MYO15A: variants seen among roughly 807,000 people sequenced by gnomAD.
MYO15A encodes the protein unconventional myosin-XV.
MYO15A carries 308 observed loss-of-function variants against 394.6 expected under a neutral mutation model. The ratio of observed to expected loss-of-function variants is 0.78; its 90% CI spans 0.71 to 0.86. The LOEUF (loss-of-function observed/expected upper bound fraction) is 0.86, where lower values mean the gene tolerates loss of function less well. Among genes scored for constraint, MYO15A ranks in the 40% least tolerant of loss-of-function variants. MYO15A has a pLI of 0.00. For synonymous variants in MYO15A, 1,957 were observed against 2,003.8 expected (o/e 0.98, Z 0.62); for missense variants, 4,606 against 4,799.1 (o/e 0.96, Z 1.19).
chr17:18,155,165 C>T lies in MYO15A; in HGVS notation c.8280C>T (p.Ala2760=), dbSNP rs1196289723. ...TGGTAACGGAAAGCGTGAAGCGGGC[C>T]GTGGTCAGCACTGCACGAGACACCT... The part of the protein sequence containing the change: ...KPLVTESVKR[A]VVSTARDTWE... The change falls in exon 46 of 66, where the codon GCC becomes GCT. Residue 2760 remains alanine, a synonymous_variant. Transcript: ENST00000647165. 4.3e-6 allele frequency: 7 copies of T among 1,613,850 alleles called. No individual in the cohort carries two copies. The highest frequency in any genetic ancestry group is 4.0e-5 in the African/African-American group (3 of 74,922).
chr17:18,163,682 C>T, intron 59 of MYO15A, 60 bp from the exon 60 acceptor site: 1 of 1,496,924 alleles, frequency 6.7e-7, no homozygotes. Flanking sequence ...CTGAGTGGGG[C>T]CAGAAGGACA....
In MYO15A at chr17:18,132,875, A is replaced by G. The variant is rs891323104; in HGVS notation, c.4320+309A>G. Reference sequence around the variant, plus strand: ...TCCTCACCTGTAAAATGGGGACAACATAGTACCACTTTGCAGGGATGTAGT... The same window carrying G: ...TCCTCACCTGTAAAATGGGGACAACGTAGTACCACTTTGCAGGGATGTAGT... On this transcript the variant is annotated intron_variant, in intron 11 of 65. Coordinates refer to ENST00000647165, the MANE Select transcript of MYO15A (RefSeq NM_016239.4). The surrounding 1 kb of genome is among the most constrained non-coding windows in gnomAD (Gnocchi z 4.6). Among the ~76,000 whole-genome samples the G allele has an allele frequency of 6.6e-6, 1 of 152,242 alleles. No homozygotes were observed. The highest frequency in any genetic ancestry group is 2.4e-5 in the African/African-American group (1 of 41,468).
chr17:18,121,137 G>T lies in MYO15A; in HGVS notation c.2337G>T (p.Ser779=). ...AWSPLASPQP[S]LRSSPGLGYC... ...CACCGCTGGCCTCGCCCCAGCCCTCGCTGAGGAGCTCGCCGGGCCTCGGCT... is the reference window on the plus strand; with the variant it reads ...CACCGCTGGCCTCGCCCCAGCCCTCTCTGAGGAGCTCGCCGGGCCTCGGCT... The change falls in exon 2 of 66, where the codon TCG becomes TCT. Residue 779 remains serine (S), a synonymous_variant. Coordinates refer to ENST00000647165, the MANE Select transcript of MYO15A (RefSeq NM_016239.4). The surrounding 1 kb of genome is among the most constrained non-coding windows in gnomAD (Gnocchi z 5.3). 6.6e-7 allele frequency: 1 copy of T among 1,509,774 alleles called. No individual in the cohort carries two copies. The highest frequency in any genetic ancestry group is 8.8e-7 in the Non-Finnish European group (1 of 1,134,772). 93.5% of individuals were successfully genotyped at this position (1,509,774 alleles called of 1,614,324 possible).
In MYO15A at chr17:18,150,071, T is replaced by C. The variant is rs918497907; in HGVS notation, c.7213-358T>C. The C allele has an allele frequency of 1.4e-5, 5 of 358,194 alleles. No homozygotes were observed. The highest frequency in any genetic ancestry group is 8.9e-4 in the Middle Eastern group (1 of 1,118). The allele number at this position is 358,194 out of a possible 1,614,324, so 22.2% of individuals were successfully genotyped here. On this transcript the variant is annotated intron_variant, in intron 35 of 65. Transcript: ENST00000647165. This position sits in a 1 kb window ranked among gnomAD's most constrained non-coding sequence, Gnocchi z 4.4. Reference sequence around the variant, plus strand: ...GAATGACCTTGGTCCCCGGGTCTTCTAGCCCCAGATCTCACGAGACCCCTC... The same window carrying C: ...GAATGACCTTGGTCCCCGGGTCTTCCAGCCCCAGATCTCACGAGACCCCTC...
chr17:18,178,224 G>T (rs1330623989), intron 65 of MYO15A: 1 of 190,920 alleles, frequency 5.2e-6, no homozygotes, highest in Non-Finnish European at 1.1e-5. Flanking sequence ...ACAAAAATTA[G>T]CTGGGCGTGG....
At chr17:18,131,858 G>C (rs1315605967) in intron 10 of MYO15A, among the ~76,000 whole-genome samples, 1 of 151,712 alleles carries the variant, frequency 6.6e-6, no homozygotes, top group Non-Finnish European at 1.5e-5. Context: ...ACCCACTCAG[G>C]AAGCTCCCCA....
At chr17:18,138,321 CCTT>C in intron 17 of MYO15A, 75 bp downstream of exon 17, 1 of 1,539,144 alleles carries the variant, frequency 6.5e-7, no homozygotes, top group Non-Finnish European at 8.8e-7. Context: ...CACCCTGACT[CCTT>C]CATTCCTCTC....
intron 9 of MYO15A, 61 bp from the exon 10 acceptor site, chr17:18,131,407 C>G (rs2046161864): frequency 1.2e-6 from 2 of 1,613,216 alleles, no homozygotes; most frequent in South Asian, 2.2e-5. Context: ...TGCCACAGCC[C>G]CTCGGAGCCA....
rs1359300875 is a variant in MYO15A, at chr17:18,118,912, A to G, written c.112A>G (p.Met38Val). 1 of 1,613,876 alleles carries G rather than the reference A, an allele frequency of 6.2e-7. No homozygotes were observed. Among genetic ancestry groups the G allele is most frequent in the East Asian group, 2.2e-5 (1 of 44,874 alleles). Residue 38 changes from methionine (M) to valine (V), a missense_variant, in exon 2 of 66, where the codon ATG becomes GTG. Physicochemically the swap from Met to Val is conservative, Grantham distance 21 (BLOSUM62 1). Coordinates refer to ENST00000647165, the MANE Select transcript of MYO15A (RefSeq NM_016239.4). ...CCTGAAGGGGACGTCGCGGCTGTTC[A>G]TGGGCTTCCGCGACCGTACACCCAA... Reference protein sequence around the residue: ...RSLKGTSRLFMGFRDRTPKIS... With the variant: ...RSLKGTSRLFVGFRDRTPKIS...
rs2046142350 is a variant in MYO15A, at chr17:18,130,814, CTCAGTG to C, written c.4038+6_4038+11del. 2 of 1,449,810 alleles carry C rather than the reference CTCAGTG, an allele frequency of 1.4e-6. No homozygotes were observed. Among genetic ancestry groups the C allele is most frequent in the Admixed American group, 1.9e-5 (1 of 52,652 alleles). 89.8% of individuals were successfully genotyped at this position (1,449,810 alleles called of 1,614,324 possible). A position where few individuals can be genotyped will look rare whatever the true frequency, so the allele number is the denominator to read the frequency against. Reference sequence around the variant, plus strand: ...CTGGACGCTCTTGAAGATAAAGGTACTCAGTGTGTGTGTGTGTGTGTGTGTGTGTGT... The same window carrying C: ...CTGGACGCTCTTGAAGATAAAGGTACTGTGTGTGTGTGTGTGTGTGTGTGT... On this transcript the variant is annotated splice_donor_5th_base_variant and intron_variant, in intron 8 of 65. Transcript: ENST00000647165.
rs377309887 is a variant in MYO15A at position 18,139,594 on chromosome 17, G to A, written c.5194G>A (p.Val1732Ile). ...QVRQDVLDLF[V>I]RSRTRVVAHL... ...GCGCCAGGATGTGCTGGACCTGTTC[G>A]TACGGAGCCGGACACGGGTAAGCCT... Residue 1732 changes from valine (V) to isoleucine (I), a missense_variant, in exon 19 of 66, where the codon GTA becomes ATA. Physicochemically the swap from Val to Ile is conservative, Grantham distance 29. Coordinates refer to ENST00000647165, the MANE Select transcript of MYO15A (RefSeq NM_016239.4). 10 of 1,613,916 alleles carry A rather than the reference G, an allele frequency of 6.2e-6. No homozygotes were observed. The highest frequency in any genetic ancestry group is 4.5e-5 in the East Asian group (2 of 44,896).
chr17:18,179,729 G>A lies in MYO15A; in HGVS notation c.*859G>A, dbSNP rs1183631150. 6.6e-6 allele frequency: 1 copy of A among 152,212 alleles called. No homozygotes were observed. The highest frequency in any genetic ancestry group is 2.4e-5 in the African/African-American group (1 of 41,442). The allele number at this position is 152,212 out of a possible 1,614,324, so 9.4% of individuals were successfully genotyped here. A position where few individuals can be genotyped will look rare whatever the true frequency, so the allele number is the denominator to read the frequency against. On this transcript the variant is annotated 3_prime_UTR_variant, in exon 66 of 66. Coordinates refer to ENST00000647165, the MANE Select transcript of MYO15A (RefSeq NM_016239.4). ...TGCTGTATCTTCCAGAACCTAGGAG[G>A]ATGCCTAACAGAGAGTAAGCACTTA... is the stretch of plus-strand genomic sequence containing the variant.
At position 18,117,639 on chromosome 17, in the gene MYO15A, C is replaced by T. The variant is rs578119293; in HGVS notation, c.-219-943C>T. 6.6e-6 allele frequency among the ~76,000 whole-genome samples: 1 copy of T among 152,292 alleles called. No individual in the cohort carries two copies. The highest frequency in any genetic ancestry group is 2.1e-4 in the South Asian group (1 of 4,826). The stretch of plus-strand genomic sequence containing the variant: ...CTCCGCTGGCCTGCCCAGTTTTTCC[C>T]ACCCCCTACCTCTTTTAGTGCAGGT... On this transcript the variant is annotated intron_variant, in intron 1 of 65. Transcript: ENST00000647165. This position sits in a 1 kb window ranked among gnomAD's most constrained non-coding sequence, Gnocchi z 4.1.
rs560741238 is a variant in MYO15A, at chr17:18,159,916, C to A, written c.9304-19C>A. On this transcript the variant is annotated intron_variant, in intron 55 of 65. Transcript: ENST00000647165. ...CCCCTCACATGTCTTTGGTGTGTAACCTCCCTGCCCCCCTTCAGCTGTGCG... is the reference window on the plus strand; with the variant it reads ...CCCCTCACATGTCTTTGGTGTGTAAACTCCCTGCCCCCCTTCAGCTGTGCG... The A allele has an allele frequency of 1.2e-6, 2 of 1,613,476 alleles. No homozygotes were observed. The highest frequency in any genetic ancestry group is 1.3e-5 in the African/African-American group (1 of 75,048).
At chr17:18,172,378 G>C in intron 64 of MYO15A, 88 bp downstream of exon 64, 1 of 1,580,186 alleles carries the variant, frequency 6.3e-7, no homozygotes, top group Non-Finnish European at 8.7e-7. Flanking sequence ...TCCAGCCGCC[G>C]AAGCCCAGTT....
chr17:18,161,082 C>T, intron 56 of MYO15A: 3 of 679,556 alleles, frequency 4.4e-6, no homozygotes, highest in Non-Finnish European at 5.4e-6. Flanking sequence ...GAAAGAGTCG[C>T]AGTGCTTCCC....
At chr17:18,164,185 AACCTATAGGT>A (rs2046816628) in intron 60 of MYO15A, 3 of 364,618 alleles carry the variant, frequency 8.2e-6, no homozygotes, top group Non-Finnish European at 1.6e-5. Context: ...AACCTATAGG[AACCTATAGGT>A]GCAAGCCTTC....
At position 18,155,201 on chromosome 17, in the gene MYO15A, C is replaced by T. The variant is rs1009320083; in HGVS notation, c.8316C>T (p.Tyr2772=). The T allele has an allele frequency of 1.2e-6, 2 of 1,613,954 alleles. No homozygotes were observed. The highest frequency in any genetic ancestry group is 1.7e-6 in the Non-Finnish European group (2 of 1,180,010). ...VSTARDTWEV[Y]FSRIFPATGS... Reference sequence around the variant, plus strand: ...CTGCACGAGACACCTGGGAGGTCTACTTCTCCCGCATCTTCCCCGCCACGG... The same window carrying T: ...CTGCACGAGACACCTGGGAGGTCTATTTCTCCCGCATCTTCCCCGCCACGG... The change falls in exon 46 of 66, where the codon TAC becomes TAT. Residue 2772 remains tyrosine (Y), a synonymous_variant. Transcript: ENST00000647165.
rs770067299 is a variant in MYO15A at position 18,127,067 on chromosome 17, T to G, written c.3942-8T>G. The G allele has an allele frequency of 5.0e-6, 8 of 1,613,862 alleles. No homozygotes were observed. The African/African-American group carries it at 1.1e-4, about 22-fold the overall frequency. On this transcript the variant is annotated splice_polypyrimidine_tract_variant and splice_region_variant and intron_variant, in intron 6 of 65. Transcript: ENST00000647165. ...GTTGGAGCTCACTCTGCCCCTTTGC[T>G]CGGTCAGTGGAGAGAGCGGCTCTGG...
Sources: allele counts gnomAD v4.1 joint callset (sites outside exome capture counted in the v4.1 genomes callset), GRCh38; gene constraint gnomAD v4.1.1; non-coding constraint Gnocchi (gnomAD v3.1); transcripts MANE v1.5; gene names NCBI Gene and HGNC (gene_info 2026-07-23, HGNC 2026-07-21).